Variants in PTK2 observed in about 807,000 individuals in gnomAD.
PTK2 encodes the protein protein tyrosine kinase 2.
Under a neutral mutation model 150.1 loss-of-function variants are expected in PTK2, and 45 were observed. That is an observed-to-expected ratio of 0.30 (90% CI 0.24 to 0.38). PTK2 has a LOEUF of 0.38. Among genes scored for constraint, PTK2 ranks in the 10% least tolerant of loss-of-function variants. The pLI is 1.00. For synonymous variants in PTK2, 432 were observed against 449.2 expected (o/e 0.96, Z 0.48); for missense variants, 919 against 1,307.3 (o/e 0.70, Z 4.58).
intron 28 of PTK2, 34 bp downstream of exon 31, chr8:140,675,426 T>C: frequency 6.2e-7 from 1 of 1,602,378 alleles, no homozygotes; most frequent in Non-Finnish European, 8.6e-7. Flanking sequence ...CAAATTAAAC[T>C]AACTTCTTTC....
chr8:140,899,048 C>T (rs1054238988), intron 2 of PTK2, among the ~76,000 whole-genome samples: 11 of 152,148 alleles, frequency 7.2e-5, no homozygotes, highest in African/African-American at 2.4e-4. Context: ...TTTTCTATAA[C>T]GCTTGAGTTT....
chr8:140,743,829 G>A (rs2100057154), intron 19 of PTK2, among the ~76,000 whole-genome samples: 2 of 150,766 alleles, frequency 1.3e-5, no homozygotes, highest in African/African-American at 4.9e-5. Context: ...CCAGGCTGGA[G>A]GGCAGTGGCA....
At chr8:140,731,613 G>A (rs1197678014) in intron 22 of PTK2, among the ~76,000 whole-genome samples, 1 of 152,050 alleles carries the variant, frequency 6.6e-6, no homozygotes, top group Non-Finnish European at 1.5e-5. Flanking sequence ...AAATATACAA[G>A]GCTGGGCATG....
intron 21 of PTK2, among the ~76,000 whole-genome samples, chr8:140,738,739 T>C (rs1040998327): frequency 1.3e-5 from 2 of 152,078 alleles, no homozygotes; most frequent in African/African-American, 2.4e-5. Context: ...AATATCCCCC[T>C]GTGAGGAAAG....
intron 1 of PTK2, among the ~76,000 whole-genome samples, chr8:140,981,899 G>T (rs1479838482): frequency 1.1e-4 from 16 of 152,034 alleles, no homozygotes; most frequent in Admixed American, 1.0e-3. Flanking sequence ...CCTTCCTCCA[G>T]GTTCTCAGAG....
intron 14 of PTK2, among the ~76,000 whole-genome samples, chr8:140,773,785 A>T (rs1453942709): frequency 1.3e-5 from 2 of 152,212 alleles, no homozygotes. Flanking sequence ...TTTTAAAGGA[A>T]AAGAGAGAGT....
In PTK2 at chr8:140,872,350, C is replaced by A. The variant is rs939188284; in HGVS notation, c.362+7121G>T. 3.9e-5 allele frequency among the ~76,000 whole-genome samples: 6 copies of A among 152,250 alleles called. No homozygotes were observed. The East Asian group carries it at 1.2e-3, about 29-fold the overall frequency. ...GTGAGCCACCACGCCTGGCCCGCTG[C>A]ATGCTTTTAAATTTTCTACTTTTAT... On this transcript the variant is annotated intron_variant, in intron 4 of 31. Coordinates refer to ENST00000522684, the Ensembl canonical transcript of PTK2.
At chr8:140,969,646 C>T (rs1003974192) in intron 1 of PTK2, among the ~76,000 whole-genome samples, 4 of 151,716 alleles carry the variant, frequency 2.6e-5, no homozygotes, top group Non-Finnish European at 5.9e-5. Context: ...TCTTCCTCTT[C>T]TTGCAAACTT....
At chr8:140,985,393 C>T (rs562298435) in intron 1 of PTK2, among the ~76,000 whole-genome samples, 57 of 152,116 alleles carry the variant, frequency 3.7e-4, no homozygotes, top group African/African-American at 1.3e-3. Context: ...CCAAAGTGCT[C>T]GAATTACAGG....
At chr8:140,669,901 T>A in intron 29 of PTK2, 166 bp from the exon 33 acceptor site, 1 of 746,386 alleles carries the variant, frequency 1.3e-6, no homozygotes, top group Non-Finnish European at 2.2e-6. Flanking sequence ...CACTCACTGT[T>A]GCCAGGGTGT....
intron 2 of PTK2, among the ~76,000 whole-genome samples, chr8:140,905,537 G>C (rs976772006): frequency 6.6e-6 from 1 of 152,098 alleles, no homozygotes; most frequent in Non-Finnish European, 1.5e-5. Context: ...AGTTCTTAGA[G>C]ACCTACAAAG....
rs535342806 is a variant in PTK2 at position 140,685,007 on chromosome 8, T to C, written c.2562+1625A>G. Among the ~76,000 whole-genome samples, 42 of 152,272 alleles carry C rather than the reference T, an allele frequency of 2.8e-4. No homozygotes were observed. The South Asian group carries it at 6.0e-3, about 22-fold the overall frequency. On this transcript the variant is annotated intron_variant, in intron 27 of 31. Transcript: ENST00000522684. ...GACTTCAAACTATACTACAAGGCTA[T>C]AGTAACCAAAACATCATGGTACTGG...
chr8:140,942,741 G>A (rs149314021), intron 1 of PTK2, among the ~76,000 whole-genome samples: 30 of 152,184 alleles, frequency 2.0e-4, no homozygotes, highest in Non-Finnish European at 1.3e-4. Context: ...GAGGCATAAC[G>A]TGCACAATAA....
chr8:140,724,215 T>TA (rs1342940986), intron 22 of PTK2, among the ~76,000 whole-genome samples: 2 of 152,212 alleles, frequency 1.3e-5, no homozygotes, highest in Admixed American at 1.3e-4. Context: ...CATTTACAAG[T>TA]AAAAATCACA....
chr8:140,825,234 G>A (rs981864099), intron 8 of PTK2, among the ~76,000 whole-genome samples: 5 of 152,252 alleles, frequency 3.3e-5, no homozygotes, highest in Middle Eastern at 6.8e-3. Context: ...GTAAGCAGAG[G>A]CCAGGTTTCA....
At chr8:140,795,663 C>T (rs1015570142) in intron 12 of PTK2, among the ~76,000 whole-genome samples, 2 of 152,184 alleles carry the variant, frequency 1.3e-5, no homozygotes, top group Non-Finnish European at 2.9e-5. Context: ...TCCATGCATG[C>T]ACAACCCTGT....
chr8:140,846,166 A>G (rs368706042), intron 7 of PTK2, 94 bp downstream of exon 7: 1 of 971,090 alleles, frequency 1.0e-6, no homozygotes, highest in Non-Finnish European at 1.5e-6. Context: ...AATTTTAGAA[A>G]TAGCAGTGTT....
At chr8:140,842,247 T>C (rs1333218354) in intron 7 of PTK2, among the ~76,000 whole-genome samples, 1 of 152,038 alleles carries the variant, frequency 6.6e-6, no homozygotes, top group Admixed American at 6.5e-5. Flanking sequence ...GAATGTATTA[T>C]TACCTTTGAA....
In PTK2 at chr8:140,927,970, A is replaced by AT. The variant is rs1569055903; in HGVS notation, c.-121-2222_-121-2221insA. Among the ~76,000 whole-genome samples the AT allele has an allele frequency of 6.5e-4, 61 of 93,464 alleles. 1 individual carries two copies. The highest frequency in any genetic ancestry group is 1.9e-3 in the Admixed American group (14 of 7,338). 61.3% of individuals were successfully genotyped at this position (93,464 alleles called of 152,430 possible). A position where few individuals can be genotyped will look rare whatever the true frequency, so the allele number is the denominator to read the frequency against. On this transcript the variant is annotated intron_variant, in intron 1 of 31. Transcript: ENST00000522684. ...AAAAAAAAAAAAAGAAAAAAAAAAA[A>AT]AAAAAATATATATATATATATATGT...
Sources: allele counts gnomAD v4.1 joint callset (sites outside exome capture counted in the v4.1 genomes callset), GRCh38; gene constraint gnomAD v4.1.1; transcripts MANE v1.5; gene names NCBI Gene and HGNC (gene_info 2026-07-23, HGNC 2026-07-21).